Variants in PPM1H observed in about 807,000 individuals in gnomAD.
The protein encoded by PPM1H is protein phosphatase 1H.
In PPM1H, 27 loss-of-function variants were observed where a neutral mutation model predicts 54.9. The ratio of observed to expected loss-of-function variants is 0.49; its 90% confidence interval spans 0.36 to 0.68. PPM1H has a LOEUF of 0.68. PPM1H is among the 30% of genes least tolerant of loss of function. The probability of loss-of-function intolerance (pLI) is 0.00; values close to 1 mark genes in which losing one functional copy is unlikely to be tolerated. For missense variants in PPM1H, 596 were observed against 667.8 expected (o/e 0.89, Z 1.19); for synonymous variants, 305 against 270.8 (o/e 1.13, Z -1.24).
At chr12:62,829,199 C>T (rs148354521) in intron 2 of PPM1H, among the ~76,000 whole-genome samples, 2 of 152,314 alleles carry the variant, frequency 1.3e-5, no homozygotes, top group African/African-American at 4.8e-5. Context: ...AAAATTCTGG[C>T]TCACATTACA....
At chr12:62,802,329 A>C (rs1392037921) in intron 2 of PPM1H, among the ~76,000 whole-genome samples, 169 bp from the exon 3 acceptor site, 2 of 152,032 alleles carry the variant, frequency 1.3e-5, no homozygotes, top group Non-Finnish European at 2.9e-5. Flanking sequence ...ACAAAAACAA[A>C]AACAAAAAAA....
chr12:62,764,764 C>T (rs911596383), intron 4 of PPM1H, among the ~76,000 whole-genome samples: 2 of 152,178 alleles, frequency 1.3e-5, no homozygotes, highest in African/African-American at 4.8e-5. Flanking sequence ...GTGGGAGATG[C>T]CTCAGTCAGG....
At chr12:62,933,733 T>C (rs1872226656) in intron 1 of PPM1H, among the ~76,000 whole-genome samples, 1 of 152,032 alleles carries the variant, frequency 6.6e-6, no homozygotes, top group South Asian at 2.1e-4. Context: ...CCACCTCTCC[T>C]TTCCCGATTC....
chr12:62,842,564 G>T (rs1161718091), intron 1 of PPM1H, among the ~76,000 whole-genome samples: 1 of 152,164 alleles, frequency 6.6e-6, no homozygotes, highest in Non-Finnish European at 1.5e-5. Flanking sequence ...CTTTCTCCTT[G>T]TTGCTGGATA....
At chr12:62,860,041 G>A (rs1479761850) in intron 1 of PPM1H, among the ~76,000 whole-genome samples, 2 of 151,342 alleles carry the variant, frequency 1.3e-5, no homozygotes, top group Admixed American at 6.6e-5. Context: ...AGAAATATCC[G>A]AGACTGGGTA....
chr12:62,856,967 C>A (rs771404857), intron 1 of PPM1H, among the ~76,000 whole-genome samples: 1 of 152,098 alleles, frequency 6.6e-6, no homozygotes, highest in East Asian at 1.9e-4. Flanking sequence ...ATTAATTTAC[C>A]TAAGAATTGT....
chr12:62,796,526 A>C (rs1347950591), intron 3 of PPM1H, among the ~76,000 whole-genome samples: 2 of 152,210 alleles, frequency 1.3e-5, no homozygotes, highest in Non-Finnish European at 1.5e-5. Flanking sequence ...AAAGGATATT[A>C]CAAAGGATAT....
chr12:62,835,059 T>C (rs986021072), intron 1 of PPM1H, among the ~76,000 whole-genome samples: 9 of 152,198 alleles, frequency 5.9e-5, no homozygotes, highest in African/African-American at 2.2e-4. Flanking sequence ...CACTGGCACC[T>C]AATCTTGGGC....
intron 5 of PPM1H, among the ~76,000 whole-genome samples, chr12:62,727,128 A>T (rs1410544341): frequency 6.6e-6 from 1 of 151,708 alleles, no homozygotes; most frequent in African/African-American, 2.4e-5. Flanking sequence ...CTGGTCTAGA[A>T]CTCCTAATCT....
intron 4 of PPM1H, among the ~76,000 whole-genome samples, chr12:62,754,583 G>A (rs1032626527): frequency 4.6e-5 from 7 of 152,180 alleles, no homozygotes; most frequent in Non-Finnish European, 1.0e-4. Context: ...AGATACTAGA[G>A]TAGATCATGA....
intron 6 of PPM1H, among the ~76,000 whole-genome samples, chr12:62,709,100 C>T (rs1464129433): frequency 6.6e-6 from 1 of 150,392 alleles, no homozygotes; most frequent in Admixed American, 6.6e-5. Flanking sequence ...GCTTCACTGC[C>T]CACCACTGCT....
At chr12:62,695,015 T>G (rs994113183) in intron 6 of PPM1H, among the ~76,000 whole-genome samples, 3 of 152,244 alleles carry the variant, frequency 2.0e-5, no homozygotes, top group African/African-American at 7.2e-5. Context: ...AAGTAGATGC[T>G]TTTCTACAAC....
At chr12:62,773,265 A>G (rs1247294631) in intron 4 of PPM1H, among the ~76,000 whole-genome samples, 2 of 152,210 alleles carry the variant, frequency 1.3e-5, no homozygotes, top group African/African-American at 4.8e-5. Flanking sequence ...GCTTGAATCC[A>G]GCAGTTCAAG....
intron 5 of PPM1H, among the ~76,000 whole-genome samples, chr12:62,731,562 C>T (rs540250811): frequency 2.0e-5 from 3 of 152,144 alleles, no homozygotes; most frequent in Non-Finnish European, 4.4e-5. Context: ...CAAACAGAAC[C>T]CGGCTCGGCG....
intron 1 of PPM1H, among the ~76,000 whole-genome samples, chr12:62,879,989 A>G (rs923555724): frequency 2.0e-5 from 3 of 152,170 alleles, no homozygotes; most frequent in Non-Finnish European, 4.4e-5. Flanking sequence ...GCAAATGTCT[A>G]CAGGTCTGCC....
intron 4 of PPM1H, among the ~76,000 whole-genome samples, chr12:62,768,535 A>G (rs892802079): frequency 1.3e-5 from 2 of 152,052 alleles, no homozygotes; most frequent in East Asian, 1.9e-4. Flanking sequence ...GGCGCCTGTA[A>G]TCCCAGCTAC....
At chr12:62,928,625 G>T (rs947858908) in intron 1 of PPM1H, among the ~76,000 whole-genome samples, 1 of 152,078 alleles carries the variant, frequency 6.6e-6, no homozygotes, top group Non-Finnish European at 1.5e-5. Flanking sequence ...AAGTCACAAC[G>T]TTGGCGCCAA....
intron 8 of PPM1H, among the ~76,000 whole-genome samples, chr12:62,684,017 G>A (rs1244641450): frequency 6.6e-6 from 1 of 152,168 alleles, no homozygotes; most frequent in African/African-American, 2.4e-5. Flanking sequence ...GCTCCAGTGC[G>A]TTTGAGTTAA....
intron 4 of PPM1H, among the ~76,000 whole-genome samples, chr12:62,766,150 G>T (rs994683045): frequency 6.6e-6 from 1 of 152,190 alleles, no homozygotes; most frequent in Non-Finnish European, 1.5e-5. Flanking sequence ...AAGGGGTGGG[G>T]AGGGGGAATG....
Sources: allele counts gnomAD v4.1 joint callset (sites outside exome capture counted in the v4.1 genomes callset), GRCh38; gene constraint gnomAD v4.1.1; transcripts MANE v1.5; gene names NCBI Gene and HGNC (gene_info 2026-07-23, HGNC 2026-07-21).